The following DAG1 variants were observed in gnomAD, a reference collection of about 807,000 sequenced individuals.
The protein encoded by DAG1 is dystroglycan 1.
In DAG1, 8 loss-of-function variants were observed where a neutral mutation model predicts 46.1. That is an observed-to-expected ratio of 0.17 (90% CI 0.10 to 0.31). The LOEUF is 0.31. DAG1 is among the 10% of genes least tolerant of loss of function. The pLI is 1.00. For missense variants in DAG1, 1,003 were observed against 1,189.9 expected, an observed-to-expected ratio of 0.84 and a Z score of 2.31; for synonymous variants, 495 against 481.8, an observed-to-expected ratio of 1.03 and a Z score of -0.36.
At chr3:49,509,113 GT>G (rs1004046440) in intron 1 of DAG1, among the ~76,000 whole-genome samples, 1 of 152,046 alleles carries the variant, frequency 6.6e-6, no homozygotes, top group African/African-American at 2.4e-5. Context: ...GGACTCATGG[GT>G]TTTTTTAAAA....
At chr3:49,479,148 T>C (rs944145792) in intron 1 of DAG1, among the ~76,000 whole-genome samples, 4 of 151,942 alleles carry the variant, frequency 2.6e-5, no homozygotes, top group Admixed American at 2.6e-4. Flanking sequence ...ACTAACTTGA[T>C]TAAAAGTTCA....
At chr3:49,475,791 C>T (rs1230903300) in intron 1 of DAG1, among the ~76,000 whole-genome samples, 1 of 151,356 alleles carries the variant, frequency 6.6e-6, no homozygotes, top group Non-Finnish European at 1.5e-5. Flanking sequence ...GTAAGCTCCG[C>T]CTCCTGGGTT....
chr3:49,529,828 CT>C (rs1430092245), intron 2 of DAG1, among the ~76,000 whole-genome samples: 3 of 152,132 alleles, frequency 2.0e-5, no homozygotes, highest in Admixed American at 2.0e-4. Flanking sequence ...CTCTTGTCAG[CT>C]GTTGGTGGAG....
rs939105358 is a variant in DAG1, at chr3:49,533,169, C to T, written c.2658C>T (p.Tyr886=). ...KGSRPKNMTP[Y]RSPPPYVPP ...CCCGTCCCAAGAACATGACCCCATA[C>T]CGGTCACCTCCTCCCTATGTCCCAC... Residue 886 remains tyrosine, a synonymous_variant, in exon 3 of 3, where the codon TAC becomes TAT. Coordinates refer to ENST00000308775, the MANE Select transcript of DAG1 (RefSeq NM_004393.6). 9 of 1,613,854 alleles carry T rather than the reference C, an allele frequency of 5.6e-6. No homozygotes were observed. The highest frequency in any genetic ancestry group is 3.3e-5 in the Admixed American group (2 of 60,028).
intron 1 of DAG1, among the ~76,000 whole-genome samples, chr3:49,494,487 C>T (rs1320305029): frequency 6.6e-6 from 1 of 152,146 alleles, no homozygotes; most frequent in Non-Finnish European, 1.5e-5. Flanking sequence ...TTTAATTCAT[C>T]ATTGCTAGAT....
chr3:49,481,396 C>CAA (rs10715955), intron 1 of DAG1, among the ~76,000 whole-genome samples: 1 of 93,822 alleles, frequency 1.1e-5, no homozygotes. Flanking sequence ...GACTCTGCCT[C>CAA]AAAAAAAAAA....
In DAG1 at chr3:49,531,468, A is replaced by G; in HGVS notation, c.957A>G (p.Thr319=). 1 of 1,613,768 alleles carries G rather than the reference A, an allele frequency of 6.2e-7. No homozygotes were observed. The highest frequency in any genetic ancestry group is 8.5e-7 in the Non-Finnish European group (1 of 1,179,926). The change falls in exon 3 of 3, where the codon ACA becomes ACG. Residue 319 remains threonine, a synonymous_variant. Transcript: ENST00000308775. This position sits in a 1 kb window ranked among gnomAD's most constrained non-coding sequence, Gnocchi z 7.0. ...GGAGGCAGATCCATGCTACACCCAC[A>G]CCTGTCACTGCCATTGGGCCCCCAA... is the stretch of plus-strand genomic sequence containing the variant. ...RVRRQIHATP[T]PVTAIGPPTT...
intron 1 of DAG1, among the ~76,000 whole-genome samples, chr3:49,475,109 G>GTT (rs950530106): frequency 7.0e-6 from 1 of 142,912 alleles, no homozygotes; most frequent in Non-Finnish European, 1.5e-5. Flanking sequence ...ACCGTGCCCG[G>GTT]TTTTTTTTTT....
At position 49,493,004 on chromosome 3, in the gene DAG1, T is replaced by G. The variant is rs1340534766; in HGVS notation, c.-116-17415T>G. Reference sequence around the variant, plus strand: ...CACATAAATGCCCTGCAGAATTTCTTTCCCATCTTTGTGCAAATCATTATT... The same window carrying G: ...CACATAAATGCCCTGCAGAATTTCTGTCCCATCTTTGTGCAAATCATTATT... On this transcript the variant is annotated intron_variant, in intron 1 of 2. Transcript: ENST00000308775. The G allele has an allele frequency of 4.0e-5, 6 of 151,494 alleles. No individual in the cohort carries two copies. In the Admixed American group the frequency reaches 4.0e-4, roughly 10 times the overall value. The allele number at this position is 151,494 out of a possible 1,614,324, so 9.4% of individuals were successfully genotyped here.
At chr3:49,489,673 AC>A (rs1200313887) in intron 1 of DAG1, among the ~76,000 whole-genome samples, 1 of 152,154 alleles carries the variant, frequency 6.6e-6, no homozygotes, top group African/African-American at 2.4e-5. Flanking sequence ...CCCTAGTGTG[AC>A]ATTTTCTTCC....
chr3:49,484,977 ATTG>A (rs2049984159), intron 1 of DAG1, among the ~76,000 whole-genome samples: 1 of 150,238 alleles, frequency 6.7e-6, no homozygotes, highest in East Asian at 2.0e-4. Context: ...TTGTATTTTT[ATTG>A]TTATTATTTT....
At chr3:49,520,819 T>C (rs2051008123) in intron 2 of DAG1, among the ~76,000 whole-genome samples, 1 of 152,192 alleles carries the variant, frequency 6.6e-6, no homozygotes, top group Non-Finnish European at 1.5e-5. Context: ...GTGAAAGTGC[T>C]CGTACATCTG....
chr3:49,514,480 T>C (rs975601511), intron 2 of DAG1, among the ~76,000 whole-genome samples: 2 of 151,324 alleles, frequency 1.3e-5, no homozygotes, highest in African/African-American at 2.4e-5. Flanking sequence ...TTTTTAACCT[T>C]TTTTTTTTGA....
intron 1 of DAG1, among the ~76,000 whole-genome samples, chr3:49,474,349 C>T (rs550741521): frequency 4.0e-5 from 6 of 151,226 alleles, no homozygotes; most frequent in South Asian, 2.1e-4. Flanking sequence ...CCACCGCACC[C>T]GGCTAATTTT....
chr3:49,522,489 T>C (rs1212405494), intron 2 of DAG1, among the ~76,000 whole-genome samples: 2 of 133,208 alleles, frequency 1.5e-5, no homozygotes, highest in South Asian at 2.8e-4. Context: ...TTTTTTTTTT[T>C]AAGACTGCAT....
At chr3:49,526,740 TTAAA>T (rs2051182432) in intron 2 of DAG1, among the ~76,000 whole-genome samples, 1 of 151,966 alleles carries the variant, frequency 6.6e-6, no homozygotes, top group African/African-American at 2.4e-5. Context: ...ATAAATAAAA[TTAAA>T]TAAATTGTGA....
chr3:49,485,727 T>G (rs1466152022), intron 1 of DAG1, among the ~76,000 whole-genome samples: 1 of 147,250 alleles, frequency 6.8e-6, no homozygotes, highest in Non-Finnish European at 1.5e-5. Flanking sequence ...AGTGGCATGA[T>G]CATGGCTCAC....
chr3:49,515,442 A>C (rs1478308755), intron 2 of DAG1, among the ~76,000 whole-genome samples: 1 of 144,920 alleles, frequency 6.9e-6, no homozygotes, highest in Non-Finnish European at 1.5e-5. Context: ...GCTGGAGTGC[A>C]GTGGCACTAT....
chr3:49,503,038 A>G (rs188847421), intron 1 of DAG1, among the ~76,000 whole-genome samples: 4 of 152,304 alleles, frequency 2.6e-5, no homozygotes, highest in East Asian at 3.9e-4. Context: ...TATATTTTCC[A>G]GTACATGGAC....
Sources: gnomAD v4.1 joint callset for allele counts (sites outside exome capture counted in the v4.1 genomes callset) on GRCh38, gnomAD v4.1.1 for gene constraint, Gnocchi (gnomAD v3.1) non-coding constraint, MANE v1.5 for transcripts, NCBI Gene and HGNC (gene_info 2026-07-23, HGNC 2026-07-21) for gene names.